The following ANKS1B variants were observed in gnomAD, a reference collection of about 807,000 sequenced individuals.
The protein encoded by ANKS1B is ankyrin repeat and sterile alpha motif domain containing 1B.
A neutral mutation model predicts 148.3 loss-of-function variants in ANKS1B; 36 were observed. The observed-to-expected ratio is 0.24, with a 90% confidence interval of 0.19 to 0.32. ANKS1B has a LOEUF of 0.32. Ranked by LOEUF, ANKS1B falls within the 10% of genes least tolerant of loss-of-function variation. ANKS1B has a pLI of 1.00. For synonymous variants in ANKS1B, 542 were observed against 560.8 expected (o/e 0.97, Z 0.47); for missense variants, 1,157 against 1,542.6 (o/e 0.75, Z 4.19).
At chr12:99,540,195 A>G (rs960669424) in intron 9 of ANKS1B, among the ~76,000 whole-genome samples, 1 of 152,210 alleles carries the variant, frequency 6.6e-6, no homozygotes, top group African/African-American at 2.4e-5. Context: ...GGAGAAATAG[A>G]CAATTAAAAA....
intron 1 of ANKS1B, among the ~76,000 whole-genome samples, chr12:99,950,532 G>A (rs949566993): frequency 1.3e-5 from 2 of 151,966 alleles, no homozygotes; most frequent in African/African-American, 4.8e-5. Context: ...GCCAGATAAT[G>A]TAATGTAATT....
At chr12:98,818,986 G>T (rs1464388465) in intron 19 of ANKS1B, among the ~76,000 whole-genome samples, 2 of 152,158 alleles carry the variant, frequency 1.3e-5, no homozygotes, top group Admixed American at 6.5e-5. Context: ...CTAGTAGAAA[G>T]CTCACAGTTT....
intron 17 of ANKS1B, among the ~76,000 whole-genome samples, chr12:99,000,730 A>C (rs1215820993): frequency 6.6e-6 from 1 of 152,052 alleles, no homozygotes; most frequent in African/African-American, 2.4e-5. Flanking sequence ...CTGAAACTTC[A>C]CCCCTGTTGA....
intron 9 of ANKS1B, among the ~76,000 whole-genome samples, chr12:99,530,275 C>A (rs1165370269): frequency 6.6e-6 from 1 of 152,148 alleles, no homozygotes; most frequent in East Asian, 1.9e-4. Context: ...GCTTCCTACT[C>A]CTACACTCTA....
At chr12:98,855,936 T>C (rs2099569072) in intron 17 of ANKS1B, among the ~76,000 whole-genome samples, 2 of 152,226 alleles carry the variant, frequency 1.3e-5, no homozygotes, top group African/African-American at 2.4e-5. Context: ...GACAAACAGG[T>C]TGATGCGCTG....
At chr12:98,967,991 A>C (rs887873940) in intron 17 of ANKS1B, among the ~76,000 whole-genome samples, 2 of 152,096 alleles carry the variant, frequency 1.3e-5, no homozygotes. Context: ...TGGGCACTGG[A>C]GACTATTCAA....
intron 1 of ANKS1B, among the ~76,000 whole-genome samples, chr12:99,870,033 T>G (rs554760621): frequency 9.1e-4 from 138 of 152,350 alleles, no homozygotes; most frequent in Non-Finnish European, 1.7e-3. Context: ...AGGGTACAAC[T>G]GATCCTATCA....
intron 17 of ANKS1B, among the ~76,000 whole-genome samples, chr12:98,995,717 G>A (rs1328347475): frequency 6.6e-6 from 1 of 152,176 alleles, no homozygotes; most frequent in African/African-American, 2.4e-5. Context: ...GGAATGAAAG[G>A]CAGTGATCCC....
intron 12 of ANKS1B, among the ~76,000 whole-genome samples, chr12:99,260,924 A>T (rs2153981875): frequency 6.6e-6 from 1 of 152,300 alleles, no homozygotes; most frequent in East Asian, 1.9e-4. Context: ...TTGGTAAATG[A>T]CATATTCATT....
chr12:99,389,935 T>C (rs2094001008), intron 12 of ANKS1B, among the ~76,000 whole-genome samples: 1 of 152,122 alleles, frequency 6.6e-6, no homozygotes, highest in South Asian at 2.1e-4. Context: ...TACATAAAAC[T>C]GGGGCACAGA....
At chr12:99,661,834 G>A (rs2098479059) in intron 8 of ANKS1B, among the ~76,000 whole-genome samples, 1 of 152,148 alleles carries the variant, frequency 6.6e-6, no homozygotes, top group Admixed American at 6.5e-5. Context: ...TGACCACATG[G>A]CTAAGTCATA....
intron 9 of ANKS1B, among the ~76,000 whole-genome samples, chr12:99,634,024 T>C (rs2098203389): frequency 6.6e-6 from 1 of 152,170 alleles, no homozygotes; most frequent in Admixed American, 6.5e-5. Context: ...GGGGCTATGA[T>C]GTGGAAGAAA....
intron 17 of ANKS1B, among the ~76,000 whole-genome samples, chr12:98,846,199 C>T (rs1305430995): frequency 2.0e-5 from 3 of 152,320 alleles, no homozygotes; most frequent in Admixed American, 6.5e-5. Context: ...TGCACACTGG[C>T]TCCAGCAGTA....
intron 1 of ANKS1B, among the ~76,000 whole-genome samples, chr12:99,896,919 C>T (rs1232117017): frequency 6.6e-6 from 1 of 151,242 alleles, no homozygotes; most frequent in African/African-American, 2.4e-5. Flanking sequence ...GGAAGTAATT[C>T]ATTTATGTGT....
At chr12:98,783,346 A>G (rs949733304) in intron 22 of ANKS1B, among the ~76,000 whole-genome samples, 3 of 152,226 alleles carry the variant, frequency 2.0e-5, no homozygotes, top group Non-Finnish European at 4.4e-5. Flanking sequence ...GTCTGAGCTC[A>G]GTAGAAAAGA....
intron 17 of ANKS1B, among the ~76,000 whole-genome samples, chr12:99,021,541 T>C (rs970702126): frequency 2.6e-5 from 4 of 152,122 alleles, no homozygotes; most frequent in Non-Finnish European, 5.9e-5. Flanking sequence ...AAATGAATGA[T>C]ACTGTATAGG....
At chr12:99,524,591 T>A (rs1251898107) in intron 9 of ANKS1B, among the ~76,000 whole-genome samples, 2 of 152,158 alleles carry the variant, frequency 1.3e-5, no homozygotes, top group Non-Finnish European at 2.9e-5. Context: ...TATGTATTAG[T>A]CTGTTTTCAT....
chr12:99,430,822 T>C (rs994096983), intron 11 of ANKS1B, among the ~76,000 whole-genome samples: 35 of 152,182 alleles, frequency 2.3e-4, no homozygotes, highest in African/African-American at 8.0e-4. Flanking sequence ...AGAGTGAAGT[T>C]ACAGCAAGCA....
intron 12 of ANKS1B, among the ~76,000 whole-genome samples, chr12:99,290,276 A>T (rs541778590): frequency 1.4e-5 from 2 of 147,982 alleles, no homozygotes; most frequent in African/African-American, 2.6e-5. Flanking sequence ...CATACTAAAA[A>T]GTCTCCCAGA....
Sources: allele counts gnomAD v4.1 joint callset (sites outside exome capture counted in the v4.1 genomes callset), GRCh38; gene constraint gnomAD v4.1.1; transcripts MANE v1.5; gene names NCBI Gene and HGNC (gene_info 2026-07-23, HGNC 2026-07-21).